The following SPATA6L variants were observed in gnomAD, a reference collection of about 807,000 sequenced individuals.
The protein encoded by SPATA6L is spermatogenesis associated 6-like protein.
Under a neutral mutation model 49.2 loss-of-function variants are expected in SPATA6L, and 68 were observed. The ratio of observed to expected loss-of-function variants is 1.38; its 90% CI spans 1.14 to 1.69. SPATA6L has a LOEUF of 1.69. Among genes scored for constraint, SPATA6L ranks in the 40% most tolerant of loss-of-function variants. The pLI is 0.00. For synonymous variants in SPATA6L, 198 were observed against 165.7 expected (o/e 1.19, Z -1.50); for missense variants, 668 against 464.3 (o/e 1.44, Z -4.03).
At chr9:4,625,613 G>T in intron 5 of SPATA6L, 47 bp from the exon 6 acceptor site, 1 of 1,356,290 alleles carries the variant, frequency 7.4e-7, no homozygotes, top group Non-Finnish European at 9.8e-7. Flanking sequence ...AGAAAGAAAA[G>T]AAGAAAATTC....
Position 4,629,184 on chromosome 9 carries a change from A to G in SPATA6L, c.352-16T>C, listed in dbSNP as rs761669927. The G allele has an allele frequency of 3.3e-5, 52 of 1,562,118 alleles. No homozygotes were observed. The highest frequency in any genetic ancestry group is 4.4e-5 in the Non-Finnish European group (51 of 1,148,666). The stretch of plus-strand genomic sequence containing the variant: ...GAGCAATGCCCTATAAAACAGCATA[A>G]AAAAAGCAAATAAAATTACTAGAAA... On this transcript the variant is annotated splice_polypyrimidine_tract_variant and intron_variant, in intron 4 of 11. Coordinates refer to ENST00000682582, the MANE Select transcript of SPATA6L (RefSeq NM_001353486.2).
intron 6 of SPATA6L, among the ~76,000 whole-genome samples, chr9:4,624,126 TTAA>T (rs1829900500): frequency 6.6e-6 from 1 of 152,236 alleles, no homozygotes; most frequent in South Asian, 2.1e-4. Flanking sequence ...AAATATCAAC[TTAA>T]TGATACTATC....
intron 5 of SPATA6L, 76 bp from the exon 6 acceptor site, chr9:4,625,642 T>C (rs1830207564): frequency 2.9e-6 from 3 of 1,036,852 alleles, no homozygotes; most frequent in South Asian, 2.6e-5. Flanking sequence ...TATAACTGTA[T>C]TTAATTGAAT....
chr9:4,625,232 T>C, intron 6 of SPATA6L, 95 bp downstream of exon 6: 1 of 1,482,180 alleles, frequency 6.7e-7, no homozygotes, highest in African/African-American at 1.4e-5. Context: ...TATTGAATAT[T>C]ATTCATTTGT....
chr9:4,610,438 C>G (rs1243868231), intron 9 of SPATA6L, among the ~76,000 whole-genome samples: 1 of 141,752 alleles, frequency 7.1e-6, no homozygotes, highest in African/African-American at 2.7e-5. Flanking sequence ...GGTACTGGTA[C>G]CAAAACAGAG....
intron 9 of SPATA6L, among the ~76,000 whole-genome samples, chr9:4,607,299 C>T (rs1313589733): frequency 6.6e-6 from 1 of 152,000 alleles, no homozygotes; most frequent in Non-Finnish European, 1.5e-5. Context: ...GAGAATGCCA[C>T]AAAGATACTC....
intron 9 of SPATA6L, among the ~76,000 whole-genome samples, chr9:4,607,176 C>T (rs1251954895): frequency 6.6e-6 from 1 of 152,040 alleles, no homozygotes; most frequent in Non-Finnish European, 1.5e-5. Flanking sequence ...GATTGGTATA[C>T]CTGAAAGTGA....
chr9:4,621,152 A>AC (rs1330947166), intron 7 of SPATA6L, among the ~76,000 whole-genome samples: 2 of 152,208 alleles, frequency 1.3e-5, no homozygotes, highest in African/African-American at 4.8e-5. Flanking sequence ...AGAATGGACC[A>AC]CCACCATTCC....
At chr9:4,607,886 T>A (rs1247412280) in intron 9 of SPATA6L, among the ~76,000 whole-genome samples, 2 of 150,438 alleles carry the variant, frequency 1.3e-5, no homozygotes, top group Non-Finnish European at 3.0e-5. Flanking sequence ...CAGTGTGCTG[T>A]ATTCAGGAAA....
intron 5 of SPATA6L, chr9:4,626,730 C>T (rs1311583368): frequency 2.6e-6 from 1 of 381,648 alleles, no homozygotes; most frequent in Non-Finnish European, 4.7e-6. Context: ...CAGTTAAGTG[C>T]TCAACAAAAG....
downstream of SPATA6L, among the ~76,000 whole-genome samples, chr9:4,594,963 T>C (rs1206217838): frequency 6.6e-6 from 1 of 152,180 alleles, no homozygotes; most frequent in East Asian, 1.9e-4. Flanking sequence ...TTCCCTATTC[T>C]ATCTCCCTGG....
chr9:4,591,860 C>G (rs769489040), intron 13 of SPATA6L, among the ~76,000 whole-genome samples: 98 of 152,330 alleles, frequency 6.4e-4, no homozygotes, highest in Admixed American at 1.5e-3. Flanking sequence ...GTCACCTACC[C>G]TATTCTTGGG....
chr9:4,604,388 G>T, intron 10 of SPATA6L, 119 bp from the exon 11 acceptor site: 1 of 624,556 alleles, frequency 1.6e-6, no homozygotes. Context: ...CGTTATATGG[G>T]GTTCACTATA....
rs1829551215 is a variant in SPATA6L at position 4,622,482 on chromosome 9, T to C, written c.698A>G (p.Asn233Ser). The C allele has an allele frequency of 1.2e-6, 2 of 1,613,620 alleles. No individual in the cohort carries two copies. The highest frequency in any genetic ancestry group is 1.7e-6 in the Non-Finnish European group (2 of 1,179,854). Reference protein sequence around the residue: ...HVDSAKPFGENISEHHLRRSR... With the variant: ...HVDSAKPFGESISEHHLRRSR... ...CCTCCTCAAATGATGCTCTGAAATA[T>C]TCTCACCAAAGGGCTTTGCACTGTC... The change falls in exon 7 of 12, where the codon AAT (asparagine) becomes AGT (serine). Residue 233 changes from asparagine to serine, a missense_variant. Asn to Ser is a conservative substitution (Grantham distance 46). Transcript: ENST00000682582.
Position 4,662,135 on chromosome 9 carries a change from A to G in SPATA6L, c.40-99T>C, listed in dbSNP as rs561536809. 5.3e-6 allele frequency: 8 copies of G among 1,506,010 alleles called. No individual in the cohort carries two copies. The East Asian group carries it at 2.0e-4, about 37-fold the overall frequency. 93.3% of individuals were successfully genotyped at this position (1,506,010 alleles called of 1,614,324 possible). A position where few individuals can be genotyped will look rare whatever the true frequency, so the allele number is the denominator to read the frequency against. Reference sequence around the variant, plus strand: ...TTCTCTTAAGCTCCTACAGACACTGACATTTTCCCCATCACCTCACTCCCT... The same window carrying G: ...TTCTCTTAAGCTCCTACAGACACTGGCATTTTCCCCATCACCTCACTCCCT... On this transcript the variant is annotated intron_variant, in intron 1 of 11. Transcript: ENST00000682582. The surrounding 1 kb of genome is among the most constrained non-coding windows in gnomAD (Gnocchi z 4.9).
chr9:4,661,120 C>A (rs1007367009), intron 2 of SPATA6L, among the ~76,000 whole-genome samples: 1 of 152,048 alleles, frequency 6.6e-6, no homozygotes, highest in South Asian at 2.1e-4. Flanking sequence ...GCATATGTAC[C>A]CTAGAACTTA....
intron 3 of SPATA6L, among the ~76,000 whole-genome samples, chr9:4,641,554 G>C (rs1834037145): frequency 6.6e-6 from 1 of 152,102 alleles, no homozygotes; most frequent in Non-Finnish European, 1.5e-5. Context: ...AGGGACTAAT[G>C]ACAAGAAAAA....
chr9:4,648,874 T>C (rs1836123482), intron 3 of SPATA6L, among the ~76,000 whole-genome samples: 1 of 152,118 alleles, frequency 6.6e-6, no homozygotes, highest in African/African-American at 2.4e-5. Context: ...GTCATTCTTC[T>C]GTTTTTGCAT....
chr9:4,606,399 TCTGA>T (rs1338711706), intron 9 of SPATA6L, among the ~76,000 whole-genome samples: 1 of 105,582 alleles, frequency 9.5e-6, no homozygotes, highest in Non-Finnish European at 1.9e-5. Flanking sequence ...AATGTCCCTG[TCTGA>T]CAGCTTTGAA....
Sources: gnomAD v4.1 joint callset for allele counts (sites outside exome capture counted in the v4.1 genomes callset) on GRCh38, gnomAD v4.1.1 for gene constraint, Gnocchi (gnomAD v3.1) non-coding constraint, MANE v1.5 for transcripts, NCBI Gene and HGNC (gene_info 2026-07-23, HGNC 2026-07-21) for gene names.